Variants in SNTG1 observed in about 807,000 individuals in gnomAD.
SNTG1 encodes gamma-1-syntrophin.
A neutral mutation model predicts 74.7 loss-of-function variants in SNTG1; 39 were observed. That is an observed-to-expected ratio of 0.52 (90% CI 0.40 to 0.68). SNTG1 has a LOEUF of 0.68. Ranked by LOEUF, SNTG1 falls within the 30% of genes least tolerant of loss-of-function variation. SNTG1 has a pLI of 0.00. For missense variants in SNTG1, 685 were observed against 609.5 expected, an observed-to-expected ratio of 1.12 and a Z score of -1.30; for synonymous variants, 254 against 217.1, an observed-to-expected ratio of 1.17 and a Z score of -1.49.
At chr8:50,718,361 C>T (rs1051011198) in intron 17 of SNTG1, among the ~76,000 whole-genome samples, 5 of 152,308 alleles carry the variant, frequency 3.3e-5, no homozygotes, top group South Asian at 4.1e-4. Context: ...TTGGCACTTA[C>T]ATCAGCAGTG....
At chr8:50,068,146 T>A (rs1821053067) in intron 1 of SNTG1, among the ~76,000 whole-genome samples, 1 of 152,190 alleles carries the variant, frequency 6.6e-6, no homozygotes, top group Non-Finnish European at 1.5e-5. Context: ...TGGTCCTTGA[T>A]CAATGATCTA....
intron 8 of SNTG1, among the ~76,000 whole-genome samples, chr8:50,463,156 G>A (rs1461769050): frequency 6.6e-6 from 1 of 152,098 alleles, no homozygotes; most frequent in Non-Finnish European, 1.5e-5. Flanking sequence ...TATTTCCACT[G>A]TTTGTTGTTG....
chr8:50,602,755 A>G (rs2130938745), intron 13 of SNTG1, among the ~76,000 whole-genome samples: 1 of 152,258 alleles, frequency 6.6e-6, no homozygotes, highest in East Asian at 1.9e-4. Context: ...CTCATGCTTA[A>G]TGCATATTTT....
chr8:50,369,892 A>G (rs1044624496), intron 2 of SNTG1, among the ~76,000 whole-genome samples: 5 of 152,176 alleles, frequency 3.3e-5, no homozygotes, highest in South Asian at 4.1e-4. Flanking sequence ...TTGGTTCTGA[A>G]GTATCTGGAA....
intron 1 of SNTG1, among the ~76,000 whole-genome samples, chr8:50,105,643 G>A (rs901512872): frequency 2.0e-5 from 3 of 151,954 alleles, no homozygotes; most frequent in Non-Finnish European, 4.4e-5. Flanking sequence ...CATTTTGACA[G>A]CATCAATTCT....
chr8:50,697,043 A>T (rs60368645), intron 15 of SNTG1, among the ~76,000 whole-genome samples: 2,309 of 152,220 alleles, frequency 0.015, 50 homozygotes, highest in African/African-American at 0.052. Flanking sequence ...AAATATGGCC[A>T]TTTTAACAAT....
chr8:50,614,930 A>C (rs2094875831), intron 13 of SNTG1, among the ~76,000 whole-genome samples: 1 of 151,580 alleles, frequency 6.6e-6, no homozygotes, highest in African/African-American at 2.4e-5. Flanking sequence ...AGGGGTTTCA[A>C]GAAGTAGTTT....
intron 1 of SNTG1, among the ~76,000 whole-genome samples, chr8:50,144,510 C>A (rs570581583): frequency 6.6e-6 from 1 of 152,314 alleles, no homozygotes; most frequent in East Asian, 1.9e-4. Context: ...ATACAGGGAC[C>A]TAGTCCTTTA....
intron 8 of SNTG1, among the ~76,000 whole-genome samples, chr8:50,451,188 ACAAT>A (rs1390386926): frequency 7.2e-5 from 11 of 152,244 alleles, no homozygotes; most frequent in Non-Finnish European, 1.3e-4. Context: ...ATAAGAAATA[ACAAT>A]CAATAATAAA....
chr8:50,444,446 T>C (rs2093386765), intron 5 of SNTG1, among the ~76,000 whole-genome samples: 2 of 152,134 alleles, frequency 1.3e-5, no homozygotes, highest in Admixed American at 1.3e-4. Context: ...AATATGTCCA[T>C]TTCCATCATA....
At chr8:50,523,043 G>A (rs2094192802) in intron 9 of SNTG1, among the ~76,000 whole-genome samples, 1 of 152,144 alleles carries the variant, frequency 6.6e-6, no homozygotes, top group Non-Finnish European at 1.5e-5. Flanking sequence ...TCTTCATCTT[G>A]TAATTTTATA....
chr8:49,998,694 CT>C (rs1814470269), intron 1 of SNTG1, among the ~76,000 whole-genome samples: 1 of 151,874 alleles, frequency 6.6e-6, no homozygotes, highest in South Asian at 2.1e-4. Context: ...TCTTGTCCCC[CT>C]GGAAGGTCTT....
intron 1 of SNTG1, among the ~76,000 whole-genome samples, chr8:49,974,076 G>T (rs895494525): frequency 3.3e-5 from 5 of 152,158 alleles, no homozygotes; most frequent in African/African-American, 9.7e-5. Context: ...ATACTAGGAA[G>T]TATGCTGTTT....
intron 1 of SNTG1, among the ~76,000 whole-genome samples, chr8:50,004,849 C>G (rs1379363497): frequency 6.6e-6 from 1 of 152,098 alleles, no homozygotes; most frequent in African/African-American, 2.4e-5. Context: ...TAGAATGAAC[C>G]CGACACACAA....
chr8:50,111,188 T>C (rs2080572632), intron 1 of SNTG1, among the ~76,000 whole-genome samples: 1 of 152,116 alleles, frequency 6.6e-6, no homozygotes, highest in Admixed American at 6.6e-5. Context: ...CCCTCACACT[T>C]GCTTCCTGAG....
rs534198838 is a variant in SNTG1 at position 50,695,473 on chromosome 8, T to C, written c.1039-9127T>C. On this transcript the variant is annotated intron_variant, in intron 15 of 18. Transcript: ENST00000642720. ...AATTATGAGTGACTTTTAATTTTTG[T>C]CTGTTTTTTATTTCTTATTTATTTA... Among the ~76,000 whole-genome samples the C allele has an allele frequency of 1.4e-4, 18 of 133,078 alleles. No homozygotes were observed. In the East Asian group the frequency reaches 4.2e-3, roughly 31 times the overall value. The allele number at this position is 133,078 out of a possible 152,430, so 87.3% of individuals were successfully genotyped here.
At chr8:49,970,054 A>G (rs1000002952) in intron 1 of SNTG1, among the ~76,000 whole-genome samples, 1 of 152,136 alleles carries the variant, frequency 6.6e-6, no homozygotes, top group African/African-American at 2.4e-5. Context: ...GGAAACAGTT[A>G]GACCAATCTC....
At chr8:50,683,099 A>G (rs1402588703) in intron 15 of SNTG1, among the ~76,000 whole-genome samples, 2 of 152,018 alleles carry the variant, frequency 1.3e-5, no homozygotes, top group Non-Finnish European at 2.9e-5. Context: ...CGAGGGAGAG[A>G]TGTCATCTGT....
At chr8:49,968,989 T>A (rs2129895707) in intron 1 of SNTG1, among the ~76,000 whole-genome samples, 1 of 152,202 alleles carries the variant, frequency 6.6e-6, no homozygotes, top group African/African-American at 2.4e-5. Context: ...CTGGATAAAG[T>A]CTGGAGGAAG....
Sources: gnomAD v4.1 joint callset for allele counts (sites outside exome capture counted in the v4.1 genomes callset) on GRCh38, gnomAD v4.1.1 for gene constraint, MANE v1.5 for transcripts, NCBI Gene and HGNC (gene_info 2026-07-23, HGNC 2026-07-21) for gene names.